The following PARD3 variants were observed in gnomAD, a reference collection of about 807,000 sequenced individuals.
PARD3 encodes par-3 family cell polarity regulator, also known as partitioning defective 3 homolog.
A neutral mutation model predicts 155.4 loss-of-function variants in PARD3; 75 were observed. That is an observed-to-expected ratio of 0.48 (90% CI 0.40 to 0.58). PARD3 has a LOEUF of 0.58. Among genes scored for constraint, PARD3 ranks in the 20% least tolerant of loss-of-function variants. The pLI is 0.00. For missense variants in PARD3, 1,642 were observed against 1,721.7 expected, an observed-to-expected ratio of 0.95 and a Z score of 0.82; for synonymous variants, 576 against 610.5, an observed-to-expected ratio of 0.94 and a Z score of 0.83.
intron 22 of PARD3, among the ~76,000 whole-genome samples, chr10:34,191,745 A>T (rs1424577595): frequency 6.6e-6 from 1 of 152,122 alleles, no homozygotes; most frequent in African/African-American, 2.4e-5. Flanking sequence ...CGCTGAAGAG[A>T]CAGAGCAGAT....
At chr10:34,681,768 ATTTTTTTTTTTTT>A (rs56661701) in intron 2 of PARD3, among the ~76,000 whole-genome samples, 3 of 17,394 alleles carry the variant, frequency 1.7e-4, no homozygotes, top group African/African-American at 4.9e-4. Flanking sequence ...ATATATATAT[ATTTTTTTTTTTTT>A]TTTTTTTTTT....
chr10:34,782,551 CCACTTTTGG>C (rs1469906204), intron 1 of PARD3, among the ~76,000 whole-genome samples: 2 of 152,156 alleles, frequency 1.3e-5, no homozygotes, highest in Admixed American at 1.3e-4. Context: ...ACTATCCACT[CCACTTTTGG>C]CTGATCGAAA....
intron 2 of PARD3, among the ~76,000 whole-genome samples, chr10:34,673,176 T>C (rs148406784): frequency 3.7e-4 from 56 of 152,352 alleles, no homozygotes; most frequent in African/African-American, 1.3e-3. Context: ...ACACACTGCA[T>C]GATATTTCCT....
chr10:34,519,142 G>A (rs192025493), intron 2 of PARD3, among the ~76,000 whole-genome samples: 2 of 152,262 alleles, frequency 1.3e-5, no homozygotes, highest in Non-Finnish European at 1.5e-5. Context: ...AGAACAAGGA[G>A]AACGAGGAAA....
intron 1 of PARD3, among the ~76,000 whole-genome samples, chr10:34,762,613 G>A (rs1837603899): frequency 6.6e-6 from 1 of 151,684 alleles, no homozygotes; most frequent in Admixed American, 6.6e-5. Flanking sequence ...CCAGCCAAAA[G>A]TTTACTTTTT....
intron 1 of PARD3, among the ~76,000 whole-genome samples, chr10:34,785,052 A>G (rs1840774174): frequency 1.3e-5 from 2 of 152,214 alleles, no homozygotes; most frequent in Non-Finnish European, 2.9e-5. Context: ...CAAATATTAA[A>G]CTGATTACTT....
intron 22 of PARD3, among the ~76,000 whole-genome samples, chr10:34,252,203 C>T (rs1217335429): frequency 6.6e-6 from 1 of 152,140 alleles, no homozygotes; most frequent in Non-Finnish European, 1.5e-5. Flanking sequence ...GTGCTGCCTG[C>T]CTGCCCCCAG....
intron 1 of PARD3, among the ~76,000 whole-genome samples, chr10:34,789,242 T>G (rs1018015296): frequency 1.3e-5 from 2 of 151,982 alleles, no homozygotes; most frequent in Non-Finnish European, 2.9e-5. Flanking sequence ...CAGTGAGCCA[T>G]GAAGAATTGT....
chr10:34,245,971 G>A (rs1278070185), intron 22 of PARD3, among the ~76,000 whole-genome samples: 1 of 152,216 alleles, frequency 6.6e-6, no homozygotes, highest in Admixed American at 6.5e-5. Context: ...GTGTAGGCAC[G>A]TGAGAATCAC....
chr10:34,751,771 C>CTTTTTT (rs546186706), intron 1 of PARD3, among the ~76,000 whole-genome samples: 1 of 137,596 alleles, frequency 7.3e-6, no homozygotes, highest in Non-Finnish European at 1.6e-5. Flanking sequence ...GCCTGTCTAG[C>CTTTTTT]TTTTTTTTTT....
chr10:34,273,123 T>C (rs1166148461), intron 21 of PARD3, among the ~76,000 whole-genome samples: 4 of 152,214 alleles, frequency 2.6e-5, no homozygotes, highest in Admixed American at 2.6e-4. Flanking sequence ...CCGGTACGTA[T>C]CCCAAAGTTG....
intron 22 of PARD3, among the ~76,000 whole-genome samples, chr10:34,146,030 G>A (rs1056747529): frequency 1.3e-5 from 2 of 152,234 alleles, no homozygotes; most frequent in South Asian, 2.1e-4. Context: ...GGTGCGGGGT[G>A]CATAAGCTTG....
chr10:34,352,633 T>TC (rs1838239359), intron 14 of PARD3, among the ~76,000 whole-genome samples: 1 of 152,220 alleles, frequency 6.6e-6, no homozygotes, highest in Non-Finnish European at 1.5e-5. Flanking sequence ...AGACGGAGTC[T>TC]CGCTCACTCA....
chr10:34,674,600 C>T (rs1385644600), intron 2 of PARD3, among the ~76,000 whole-genome samples: 1 of 151,160 alleles, frequency 6.6e-6, no homozygotes, highest in Non-Finnish European at 1.5e-5. Flanking sequence ...GATTCTCCTG[C>T]CTCAGGCTCC....
At chr10:34,525,996 C>T (rs571824436) in intron 2 of PARD3, among the ~76,000 whole-genome samples, 2 of 144,138 alleles carry the variant, frequency 1.4e-5, no homozygotes, top group South Asian at 4.4e-4. Flanking sequence ...CAAGGGGAAT[C>T]GCTTGAACGT....
intron 22 of PARD3, among the ~76,000 whole-genome samples, chr10:34,197,965 T>A (rs1653956729): frequency 6.6e-6 from 1 of 152,260 alleles, no homozygotes; most frequent in African/African-American, 2.4e-5. Flanking sequence ...CTTGATCTCT[T>A]GACATCGTGA....
chr10:34,552,931 T>C (rs1564837057), intron 2 of PARD3, among the ~76,000 whole-genome samples: 1 of 152,186 alleles, frequency 6.6e-6, no homozygotes, highest in East Asian at 1.9e-4. Flanking sequence ...AATATAACAG[T>C]AACACCAACT....
intron 5 of PARD3, among the ~76,000 whole-genome samples, chr10:34,434,217 C>G (rs1013692781): frequency 6.6e-6 from 1 of 152,180 alleles, no homozygotes; most frequent in African/African-American, 2.4e-5. Flanking sequence ...TTCAGCAGGG[C>G]TGCCTAACCT....
At position 34,260,672 on chromosome 10, in the gene PARD3, T is replaced by C. The variant is rs142026627; in HGVS notation, c.3419+8985A>G. On this transcript the variant is annotated intron_variant, in intron 22 of 24. Transcript: ENST00000374788. Reference sequence around the variant, plus strand: ...CACATTAATTAGCAAAGGCACCAACTTGCAGAACTCACATTACAATGAGAT... The same window carrying C: ...CACATTAATTAGCAAAGGCACCAACCTGCAGAACTCACATTACAATGAGAT... Among the ~76,000 whole-genome samples, 662 of 152,324 alleles carry C rather than the reference T, an allele frequency of 4.3e-3. 7 individuals are homozygous for C. Among genetic ancestry groups the C allele is most frequent in the Middle Eastern group, 0.02 (6 of 294 alleles).
Sources: gnomAD v4.1 joint callset for allele counts (sites outside exome capture counted in the v4.1 genomes callset) on GRCh38, gnomAD v4.1.1 for gene constraint, MANE v1.5 for transcripts, NCBI Gene and HGNC (gene_info 2026-07-23, HGNC 2026-07-21) for gene names.